Variants in ASTN2 observed in about 807,000 individuals in gnomAD.
ASTN2 encodes the protein astrotactin 2, also known as astrotactin-2.
Under a neutral mutation model 139.8 loss-of-function variants are expected in ASTN2, and 54 were observed. The observed-to-expected ratio is 0.39, with a 90% confidence interval of 0.31 to 0.48. ASTN2 has a LOEUF of 0.48. Ranked by LOEUF, ASTN2 falls within the 20% of genes least tolerant of loss-of-function variation. The probability of loss-of-function intolerance (pLI) is 0.95; values close to 1 mark genes in which losing one functional copy is unlikely to be tolerated. For synonymous variants in ASTN2, 756 were observed against 719.5 expected, an observed-to-expected ratio of 1.05 and a Z score of -0.81; for missense variants, 1,565 against 1,725.1, an observed-to-expected ratio of 0.91 and a Z score of 1.64.
At chr9:116,879,350 GACAGACAGAC>G (rs1416254870) in intron 10 of ASTN2, among the ~76,000 whole-genome samples, 2 of 38,680 alleles carry the variant, frequency 5.2e-5, no homozygotes, top group Non-Finnish European at 9.7e-5. Flanking sequence ...GACAGAGACA[GACAGACAGAC>G]AGACAGACAG....
intron 20 of ASTN2, among the ~76,000 whole-genome samples, chr9:116,443,109 C>G (rs528641248): frequency 6.6e-6 from 1 of 152,178 alleles, no homozygotes; most frequent in African/African-American, 2.4e-5. Context: ...CAGAATAATG[C>G]AAAAAAGACT....
chr9:116,752,442 T>C (rs1829425115), intron 13 of ASTN2, among the ~76,000 whole-genome samples: 1 of 152,162 alleles, frequency 6.6e-6, no homozygotes, highest in African/African-American at 2.4e-5. Context: ...GGAGATAATA[T>C]AGGAGAAAAA....
intron 5 of ASTN2, among the ~76,000 whole-genome samples, chr9:117,060,400 A>G (rs1465422820): frequency 5.0e-5 from 4 of 80,564 alleles, no homozygotes; most frequent in East Asian, 2.8e-4. Flanking sequence ...GAAAGAAAGA[A>G]AGAAAGAAAG....
chr9:116,742,745 C>A (rs1220878699), intron 13 of ASTN2, among the ~76,000 whole-genome samples: 1 of 151,122 alleles, frequency 6.6e-6, no homozygotes, highest in Admixed American at 6.6e-5. Flanking sequence ...GACTTCCTGG[C>A]CCCATAAATA....
At chr9:116,602,533 T>TGG (rs1162251821) in intron 19 of ASTN2, among the ~76,000 whole-genome samples, 3 of 152,200 alleles carry the variant, frequency 2.0e-5, no homozygotes, top group South Asian at 2.1e-4. Flanking sequence ...CAGGAGGAAA[T>TGG]GGGGAGAGTA....
chr9:117,065,030 T>C (rs544672304), intron 5 of ASTN2, among the ~76,000 whole-genome samples: 99 of 152,228 alleles, frequency 6.5e-4, no homozygotes, highest in African/African-American at 2.3e-3. Context: ...CTGTTTAGGA[T>C]AGGCCCTAAA....
intron 20 of ASTN2, among the ~76,000 whole-genome samples, chr9:116,475,314 A>G (rs1470029047): frequency 6.6e-6 from 1 of 152,082 alleles, no homozygotes; most frequent in Non-Finnish European, 1.5e-5. Flanking sequence ...ATTATCAAGC[A>G]TCTGGCCACA....
chr9:116,535,985 A>G (rs183203126), intron 19 of ASTN2, among the ~76,000 whole-genome samples: 2 of 152,290 alleles, frequency 1.3e-5, no homozygotes, highest in East Asian at 3.9e-4. Flanking sequence ...CGTCACTTTC[A>G]GGTACACCAA....
chr9:116,545,776 T>C (rs906564047), intron 19 of ASTN2: 1 of 152,172 alleles, frequency 6.6e-6, no homozygotes, highest in Non-Finnish European at 1.5e-5. Flanking sequence ...GAGCTGGGCA[T>C]TGAGGATGAA....
chr9:117,050,247 G>C (rs16934255), intron 5 of ASTN2, among the ~76,000 whole-genome samples: 9,994 of 152,054 alleles, frequency 0.066, 984 homozygotes, highest in African/African-American at 0.22. Context: ...GGACGATCAG[G>C]ACCAGTCACC....
At chr9:116,473,731 C>T (rs1339432997) in intron 20 of ASTN2, among the ~76,000 whole-genome samples, 1 of 152,080 alleles carries the variant, frequency 6.6e-6, no homozygotes, top group Non-Finnish European at 1.5e-5. Flanking sequence ...GGCAAAATGC[C>T]GTCTCTACTA....
chr9:117,296,632 G>A (rs1469327963), intron 1 of ASTN2, among the ~76,000 whole-genome samples: 3 of 152,196 alleles, frequency 2.0e-5, no homozygotes, highest in Admixed American at 2.0e-4. Context: ...GAACCAAGAT[G>A]ATTCCCATAA....
Position 116,698,867 on chromosome 9 carries a change from C to T in ASTN2, c.2806+26904G>A, listed in dbSNP as rs1459316015. Reference sequence around the variant, plus strand: ...CTCCAGGAATGTTCAATCTTCCAGTCAGTCTCTACGTGACCAGTCAAGGTG... The same window carrying T: ...CTCCAGGAATGTTCAATCTTCCAGTTAGTCTCTACGTGACCAGTCAAGGTG... On this transcript the variant is annotated intron_variant, in intron 16 of 22. Transcript: ENST00000313400. This position sits in a 1 kb window ranked among gnomAD's most constrained non-coding sequence, Gnocchi z 4.4. The T allele has an allele frequency of 6.2e-7, 1 of 1,614,242 alleles. No homozygotes were observed. The highest frequency in any genetic ancestry group is 1.1e-5 in the South Asian group (1 of 91,078).
At chr9:116,492,174 C>T (rs1167302256) in intron 19 of ASTN2, among the ~76,000 whole-genome samples, 4 of 151,810 alleles carry the variant, frequency 2.6e-5, no homozygotes, top group Non-Finnish European at 4.4e-5. Context: ...TTCCACCTCC[C>T]GGGTTCAAGC....
chr9:116,508,654 T>C (rs1419624910), intron 19 of ASTN2, among the ~76,000 whole-genome samples: 1 of 152,176 alleles, frequency 6.6e-6, no homozygotes, highest in East Asian at 1.9e-4. Flanking sequence ...TTTTGCCTTA[T>C]AGATGAGGCA....
chr9:116,602,408 T>C (rs188777727), intron 19 of ASTN2, among the ~76,000 whole-genome samples: 2 of 152,258 alleles, frequency 1.3e-5, no homozygotes, highest in Admixed American at 1.3e-4. Flanking sequence ...ATATAAAATA[T>C]AGGATATAAG....
intron 19 of ASTN2, chr9:116,551,998 C>T (rs1041881979): frequency 1.3e-5 from 2 of 149,054 alleles, no homozygotes; most frequent in Admixed American, 1.3e-4. Flanking sequence ...GCCACATATA[C>T]ATATACATAT....
Position 117,141,336 on chromosome 9 carries a change from G to T in ASTN2, c.1158C>A (p.Ser386Arg). The change falls in exon 4 of 23, where the codon AGC (serine) becomes AGA (arginine). Residue 386 changes from serine to arginine, a missense_variant. Transcript: ENST00000313400. ...GCCAGGAGGGCCTACCTCGAGACTTGCTCCTCCGCTTCCTCTTCCCTGCCG... is the reference window on the plus strand; with the variant it reads ...GCCAGGAGGGCCTACCTCGAGACTTTCTCCTCCGCTTCCTCTTCCCTGCCG... ...STSAGKRKRR[S>R]KSRGGISFGR... is the part of the protein sequence containing the mutation. The T allele has an allele frequency of 7.3e-7, 1 of 1,367,264 alleles. No homozygotes were observed. The highest frequency in any genetic ancestry group is 9.8e-7 in the Non-Finnish European group (1 of 1,021,690). 84.7% of individuals were successfully genotyped at this position (1,367,264 alleles called of 1,614,324 possible). A position where few individuals can be genotyped will look rare whatever the true frequency, so the allele number is the denominator to read the frequency against.
intron 10 of ASTN2, among the ~76,000 whole-genome samples, chr9:116,928,839 A>G (rs1274344149): frequency 1.3e-5 from 2 of 152,168 alleles, no homozygotes; most frequent in Non-Finnish European, 2.9e-5. Flanking sequence ...ATTATGTACT[A>G]TGAGTTTTTT....
Sources: gnomAD v4.1 joint callset for allele counts (sites outside exome capture counted in the v4.1 genomes callset) on GRCh38, gnomAD v4.1.1 for gene constraint, Gnocchi (gnomAD v3.1) non-coding constraint, MANE v1.5 for transcripts, NCBI Gene and HGNC (gene_info 2026-07-23, HGNC 2026-07-21) for gene names.